SOX13: variants seen among roughly 807,000 people sequenced by gnomAD.
The protein encoded by SOX13 is SRY-box transcription factor 13, also known as transcription factor SOX-13.
In SOX13, 28 loss-of-function variants were observed where a neutral mutation model predicts 71.8. The ratio of observed to expected loss-of-function variants is 0.39; its 90% CI spans 0.29 to 0.53. The LOEUF is 0.53. SOX13 is among the 20% of genes least tolerant of loss of function. The pLI, the probability that SOX13 is intolerant of heterozygous loss-of-function variation, is 0.70. For synonymous variants in SOX13, 309 were observed against 317.8 expected (o/e 0.97, Z 0.29); for missense variants, 627 against 810.3 (o/e 0.77, Z 2.75).
rs1450977374 is a variant in SOX13 at position 204,127,266 on chromosome 1, C to T, written c.*1132C>T. 1 of 152,198 alleles carries T rather than the reference C, an allele frequency of 6.6e-6. No homozygotes were observed. The highest frequency in any genetic ancestry group is 6.5e-5 in the Admixed American group (1 of 15,272). 9.4% of individuals were successfully genotyped at this position (152,198 alleles called of 1,614,324 possible). ...CTGTCCATGGCAGCTGGTCTTTATT[C>T]CTCCCTCATGAGCACAGGGTCGGGG... On this transcript the variant is annotated 3_prime_UTR_variant, in exon 14 of 14. Transcript: ENST00000367204.
chr1:204,122,170 C>T (rs897030641), intron 8 of SOX13, 67 bp from the exon 9 acceptor site: 5 of 1,368,312 alleles, frequency 3.7e-6, no homozygotes, highest in Non-Finnish European at 5.0e-6. Flanking sequence ...ACCTCACTTC[C>T]TCTCTGTCCT....
Position 204,116,484 on chromosome 1 carries a change from G to A in SOX13, c.419-23G>A, listed in dbSNP as rs752070153. The stretch of plus-strand genomic sequence containing the variant: ...GATGAACAAGTAAAAAGTCTCAATG[G>A]GGTCTGTTTCACTGTGGAGCAGGGA... On this transcript the variant is annotated intron_variant, in intron 4 of 13. Transcript: ENST00000367204. 3 of 1,613,092 alleles carry A rather than the reference G, an allele frequency of 1.9e-6. No individual in the cohort carries two copies. In the South Asian group the frequency reaches 3.3e-5, roughly 18 times the overall value.
At chr1:204,122,078 C>A in intron 8 of SOX13, 93 bp downstream of exon 8, 3 of 1,059,680 alleles carry the variant, frequency 2.8e-6, no homozygotes, top group South Asian at 2.9e-5. Context: ...GACTGGTGAG[C>A]CCTGGCATCC....
rs770798330 is a variant in SOX13 at position 204,122,300 on chromosome 1, A to G, written c.925A>G (p.Ser309Gly). The G allele has an allele frequency of 6.3e-7, 1 of 1,583,386 alleles. No homozygotes were observed. The highest frequency in any genetic ancestry group is 8.6e-7 in the Non-Finnish European group (1 of 1,165,304). Residue 309 changes from serine to glycine, a missense_variant, in exon 9 of 14, where the codon AGC becomes GGC. Physicochemically the swap from Ser to Gly is moderately conservative, Grantham distance 56. Transcript: ENST00000367204. The part of the protein sequence containing the change: ...PKAPELPNTS[S>G]SPSLKMSSCV... ...GGCCCCCGAGCTGCCCAACACCTCC[A>G]GCTCCCCAAGCCTGAAGATGAGCAG... is the stretch of plus-strand genomic sequence containing the variant.
intron 1 of SOX13, among the ~76,000 whole-genome samples, chr1:204,083,797 C>T (rs944599849): frequency 2.6e-5 from 4 of 152,132 alleles, no homozygotes; most frequent in Non-Finnish European, 4.4e-5. Flanking sequence ...GACCATGAAG[C>T]CAGCATAGCC....
intron 1 of SOX13, among the ~76,000 whole-genome samples, chr1:204,094,812 A>G (rs1297593413): frequency 6.6e-6 from 1 of 152,174 alleles, no homozygotes; most frequent in Non-Finnish European, 1.5e-5. Flanking sequence ...AAATCAGAAA[A>G]TGGAAGCATC....
At chr1:204,077,459 C>A (rs949458040) in intron 1 of SOX13, among the ~76,000 whole-genome samples, 1 of 152,182 alleles carries the variant, frequency 6.6e-6, no homozygotes, top group Non-Finnish European at 1.5e-5. Flanking sequence ...GCTGTAGACC[C>A]TTTTGTCCTT....
At chr1:204,105,411 C>CTATTTTTTTTTT (rs79931632) in intron 1 of SOX13, among the ~76,000 whole-genome samples, 1 of 75,044 alleles carries the variant, frequency 1.3e-5, no homozygotes, top group African/African-American at 1.4e-4. Flanking sequence ...TCTGTATAAT[C>CTATTTTTTTTTT]TCTTTTTTTT....
intron 1 of SOX13, among the ~76,000 whole-genome samples, chr1:204,094,220 T>TCAGAGAACTTAGATGAGCCC (rs1331609238): frequency 6.6e-6 from 1 of 152,204 alleles, no homozygotes; most frequent in Non-Finnish European, 1.5e-5. Context: ...ACGATGAGAC[T>TCAGAGAACTTAGATGAGCCC]CAGAGAACTT....
chr1:204,119,771 G>T (rs1196011249), intron 7 of SOX13: 1 of 152,074 alleles, frequency 6.6e-6, no homozygotes, highest in East Asian at 1.9e-4. Context: ...ACTTTGGGAG[G>T]CTAAGGCAGG....
Position 204,126,250 on chromosome 1 carries a change from G to C in SOX13, c.*116G>C, listed in dbSNP as rs574312865. On this transcript the variant is annotated 3_prime_UTR_variant, in exon 14 of 14. Coordinates refer to ENST00000367204, the MANE Select transcript of SOX13 (RefSeq NM_005686.3). ...TACTTGGACTTGTTCGTGCCCCAGA[G>C]ATGGGCAAAGCTGTGCACTTGCAGA... is the stretch of plus-strand genomic sequence containing the variant. 600 of 1,124,864 alleles carry C rather than the reference G, an allele frequency of 5.3e-4. No individual in the cohort carries two copies. Among genetic ancestry groups the C allele is most frequent in the Non-Finnish European group, 6.7e-4 (521 of 782,778 alleles). 69.7% of individuals were successfully genotyped at this position (1,124,864 alleles called of 1,614,324 possible).
In SOX13 at chr1:204,073,485, C is replaced by A. The variant is rs1191586053; in HGVS notation, c.-228C>A. On this transcript the variant is annotated 5_prime_UTR_variant, in exon 1 of 14. Coordinates refer to ENST00000367204, the MANE Select transcript of SOX13 (RefSeq NM_005686.3). The surrounding 1 kb of genome is among the most constrained non-coding windows in gnomAD (Gnocchi z 6.8). ...CAAGCTCGCCGCCCGGGACGGCGGGCCCCGTGGGGCGCGGACCCAGGGTGG... is the reference window on the plus strand; with the variant it reads ...CAAGCTCGCCGCCCGGGACGGCGGGACCCGTGGGGCGCGGACCCAGGGTGG... 1 of 151,762 alleles carries A rather than the reference C, an allele frequency of 6.6e-6. No homozygotes were observed. The highest frequency in any genetic ancestry group is 1.5e-5 in the Non-Finnish European group (1 of 67,904). 9.4% of individuals were successfully genotyped at this position (151,762 alleles called of 1,614,324 possible).
intron 1 of SOX13, among the ~76,000 whole-genome samples, chr1:204,078,841 C>T (rs750058093): frequency 1.3e-5 from 2 of 152,238 alleles, no homozygotes; most frequent in African/African-American, 2.4e-5. Context: ...AGGGTTCCTC[C>T]GACCTCTGTC....
At chr1:204,116,999 C>A in intron 5 of SOX13, 123 bp from the exon 6 acceptor site, 2 of 977,650 alleles carry the variant, frequency 2.0e-6, no homozygotes, top group East Asian at 2.6e-5. Context: ...TGCTTTGCTC[C>A]CTACTGCCAC....
chr1:204,121,217 G>A (rs1169839974), intron 7 of SOX13, among the ~76,000 whole-genome samples: 3 of 152,152 alleles, frequency 2.0e-5, no homozygotes, highest in Non-Finnish European at 4.4e-5. Flanking sequence ...TCGAACTCCT[G>A]ACCTTGTGAT....
intron 1 of SOX13, among the ~76,000 whole-genome samples, chr1:204,078,533 C>T (rs780787726): frequency 6.6e-6 from 1 of 152,164 alleles, no homozygotes; most frequent in Non-Finnish European, 1.5e-5. Flanking sequence ...TATTTTTGTG[C>T]CCAGTGTTTG....
intron 1 of SOX13, among the ~76,000 whole-genome samples, chr1:204,086,294 A>G (rs986368573): frequency 3.3e-5 from 5 of 152,048 alleles, no homozygotes; most frequent in African/African-American, 1.2e-4. Context: ...AGTAGCCTTC[A>G]ACTTTTTAAA....
At position 204,122,940 on chromosome 1, in the gene SOX13, TC is replaced by T. The variant is rs1656840350; in HGVS notation, c.1116del (p.Asn373ThrfsTer33). Reference sequence around the variant, plus strand: ...CAGCCACAGTGGGGCCTTGGATGGCTCCCCCAACACCCCCTTCCGTAAGGTA... The same window carrying T: ...CAGCCACAGTGGGGCCTTGGATGGCTCCCCAACACCCCCTTCCGTAAGGTA... ...LHSHSGALDGSPNTPFRKDLI... is the reference protein window; with the variant it reads ...LHSHSGALDGXPNTPFRKDLI... On this transcript the variant is annotated frameshift_variant, in exon 10 of 14. Transcript: ENST00000367204. LOFTEE classifies it high-confidence loss of function. 1.3e-6 allele frequency: 2 copies of T among 1,588,964 alleles called. No individual in the cohort carries two copies. The highest frequency in any genetic ancestry group is 1.7e-6 in the Non-Finnish European group (2 of 1,166,080).
In SOX13 at chr1:204,107,729, T is replaced by C. The variant is rs540491815; in HGVS notation, c.-1-5186T>C. Among the ~76,000 whole-genome samples, 19 of 152,144 alleles carry C rather than the reference T, an allele frequency of 1.2e-4. No individual in the cohort carries two copies. In the South Asian group the frequency reaches 3.7e-3, roughly 30 times the overall value. ...GGTGAGACCCAGAGTTGCTCTCCAT[T>C]GGGGGCGGGGTGGCATTGTGCCTGG... On this transcript the variant is annotated intron_variant, in intron 1 of 13. Coordinates refer to ENST00000367204, the MANE Select transcript of SOX13 (RefSeq NM_005686.3).
Sources: allele counts gnomAD v4.1 joint callset (sites outside exome capture counted in the v4.1 genomes callset), GRCh38; gene constraint gnomAD v4.1.1; non-coding constraint Gnocchi (gnomAD v3.1); transcripts MANE v1.5; gene names NCBI Gene and HGNC (gene_info 2026-07-23, HGNC 2026-07-21).